The following DCC variants were observed in gnomAD, a reference collection of about 807,000 sequenced individuals.
DCC encodes DCC netrin 1 receptor.
DCC carries 58 observed loss-of-function variants against 172.5 expected under a neutral mutation model. The ratio of observed to expected loss-of-function variants is 0.34; its 90% CI spans 0.27 to 0.42. DCC has a LOEUF of 0.42. Among genes scored for constraint, DCC ranks in the 10% least tolerant of loss-of-function variants. The pLI, the probability that DCC is intolerant of heterozygous loss-of-function variation, is 1.00. For missense variants in DCC, 1,740 were observed against 1,791.0 expected, an observed-to-expected ratio of 0.97 and a Z score of 0.51; for synonymous variants, 709 against 644.5, an observed-to-expected ratio of 1.10 and a Z score of -1.52.
At position 52,906,323 on chromosome 18, in the gene DCC, T is replaced by G; in HGVS notation, c.692T>G (p.Leu231Ter). The change falls in exon 3 of 29, where the codon TTA becomes TGA. Residue 231 changes from leucine to a stop codon, truncating the protein, a stop_gained. Transcript: ENST00000442544. LOFTEE classifies it high-confidence loss of function. ...GGAAATGAAGCAGAAGTCAGAATTTTATCAGGTATTGCAATGCTCTTTGTT... is the reference window on the plus strand; with the variant it reads ...GGAAATGAAGCAGAAGTCAGAATTTGATCAGGTATTGCAATGCTCTTTGTT... ...RTGNEAEVRI[L>*]SDPGLHRQLY... 1 of 1,613,898 alleles carries G rather than the reference T, an allele frequency of 6.2e-7. No homozygotes were observed. Among genetic ancestry groups the G allele is most frequent in the Non-Finnish European group, 8.5e-7 (1 of 1,180,020 alleles).
chr18:52,721,378 A>G (rs139939829), intron 1 of DCC, among the ~76,000 whole-genome samples: 103 of 152,312 alleles, frequency 6.8e-4, no homozygotes, highest in African/African-American at 2.5e-3. Flanking sequence ...TAATGATATT[A>G]TAAACAAACT....
intron 5 of DCC, among the ~76,000 whole-genome samples, chr18:52,963,397 G>C (rs759475791): frequency 2.0e-5 from 3 of 151,998 alleles, no homozygotes; most frequent in Non-Finnish European, 4.4e-5. Context: ...TACCAAGTGA[G>C]CACATATTTC....
At chr18:52,575,082 G>T (rs1017213589) in intron 1 of DCC, among the ~76,000 whole-genome samples, 12 of 152,058 alleles carry the variant, frequency 7.9e-5, no homozygotes, top group African/African-American at 2.4e-4. Flanking sequence ...CATGACATCT[G>T]GAATTTAGCA....
intron 5 of DCC, among the ~76,000 whole-genome samples, chr18:53,007,032 T>C (rs970540066): frequency 2.0e-5 from 3 of 152,146 alleles, no homozygotes; most frequent in Non-Finnish European, 4.4e-5. Context: ...ACCAAATCTG[T>C]AAGAATGCCA....
At chr18:53,157,650 C>G (rs2054765138) in intron 8 of DCC, 138 bp downstream of exon 8, 1 of 847,034 alleles carries the variant, frequency 1.2e-6, no homozygotes, top group African/African-American at 1.7e-5. Context: ...CACTCATTCC[C>G]CAGTGGAGAT....
chr18:52,770,811 A>G (rs997495251), intron 2 of DCC, among the ~76,000 whole-genome samples: 2 of 152,230 alleles, frequency 1.3e-5, no homozygotes, highest in African/African-American at 4.8e-5. Context: ...TAGAAAAGAT[A>G]AAAGTCTGCA....
intron 3 of DCC, among the ~76,000 whole-genome samples, chr18:52,909,073 T>C (rs1032606341): frequency 6.6e-6 from 1 of 152,064 alleles, no homozygotes; most frequent in Non-Finnish European, 1.5e-5. Context: ...AAGTACAAGA[T>C]TGAGTGAGTG....
At chr18:52,591,775 C>A (rs980070133) in intron 1 of DCC, among the ~76,000 whole-genome samples, 7 of 144,428 alleles carry the variant, frequency 4.8e-5, no homozygotes, top group African/African-American at 7.6e-5. Context: ...GTTTTTCTTT[C>A]TTTATTTATT....
Position 52,522,456 on chromosome 18 carries a change from C to T in DCC, c.91+181578C>T, listed in dbSNP as rs144789427. 2.6e-5 allele frequency among the ~76,000 whole-genome samples: 4 copies of T among 152,208 alleles called. No homozygotes were observed. The East Asian group carries it at 5.8e-4, about 22-fold the overall frequency. On this transcript the variant is annotated intron_variant, in intron 1 of 28. Coordinates refer to ENST00000442544, the MANE Select transcript of DCC (RefSeq NM_005215.4). ...TGATCCAGAACTAACAACACTCTCC[C>T]GAAAATCTCTCCTTTTTTCTTTCTC...
chr18:52,923,680 A>G (rs1488807585), intron 3 of DCC, 27 bp from the exon 4 acceptor site: 2 of 1,546,650 alleles, frequency 1.3e-6, no homozygotes, highest in African/African-American at 1.4e-5. Context: ...TTCATATATC[A>G]TATGATACTG....
At chr18:52,731,264 G>A (rs2036636733) in intron 1 of DCC, among the ~76,000 whole-genome samples, 2 of 152,246 alleles carry the variant, frequency 1.3e-5, no homozygotes, top group East Asian at 1.9e-4. Context: ...TTGATTGGGA[G>A]GTGAGAGAAC....
chr18:52,918,176 C>G (rs564012257), intron 3 of DCC, among the ~76,000 whole-genome samples: 1 of 152,158 alleles, frequency 6.6e-6, no homozygotes, highest in South Asian at 2.1e-4. Context: ...TAGAACATTA[C>G]AAATTTGCAT....
intron 27 of DCC, among the ~76,000 whole-genome samples, chr18:53,517,313 C>T (rs1369214141): frequency 1.3e-3 from 197 of 146,610 alleles, no homozygotes; most frequent in South Asian, 2.6e-3. Flanking sequence ...TGGGGGGAGG[C>T]GGGAGGAATA....
At chr18:52,485,171 G>T (rs2030155985) in intron 1 of DCC, among the ~76,000 whole-genome samples, 1 of 152,054 alleles carries the variant, frequency 6.6e-6, no homozygotes, top group Admixed American at 6.6e-5. Context: ...ACTGGACTGT[G>T]TATGGTGCTG....
chr18:53,332,073 G>C (rs1030497998), intron 14 of DCC, among the ~76,000 whole-genome samples: 1 of 152,070 alleles, frequency 6.6e-6, no homozygotes, highest in Non-Finnish European at 1.5e-5. Context: ...GGAGGACATG[G>C]GAGAAGAAAG....
chr18:53,356,508 G>A (rs2057879544), intron 15 of DCC, among the ~76,000 whole-genome samples: 1 of 152,128 alleles, frequency 6.6e-6, no homozygotes, highest in Non-Finnish European at 1.5e-5. Flanking sequence ...TCTATTAGAT[G>A]TTACTAGAGT....
At chr18:53,327,227 G>A (rs1382493217) in intron 14 of DCC, among the ~76,000 whole-genome samples, 1 of 152,190 alleles carries the variant, frequency 6.6e-6, no homozygotes, top group South Asian at 2.1e-4. Context: ...TGTTTGTTCA[G>A]CGTTCCCTGG....
intron 1 of DCC, among the ~76,000 whole-genome samples, chr18:52,406,421 C>T (rs958226450): frequency 6.6e-6 from 1 of 151,974 alleles, no homozygotes; most frequent in Admixed American, 6.6e-5. Context: ...GCAACCTACT[C>T]ATCTGACAAA....
At chr18:53,428,560 A>ATG (rs1363980336) in intron 21 of DCC, among the ~76,000 whole-genome samples, 2 of 37,572 alleles carry the variant, frequency 5.3e-5, no homozygotes, top group African/African-American at 1.4e-4. Flanking sequence ...ATATATTTAT[A>ATG]TATATATTTA....
Sources: gnomAD v4.1 joint callset for allele counts (sites outside exome capture counted in the v4.1 genomes callset) on GRCh38, gnomAD v4.1.1 for gene constraint, MANE v1.5 for transcripts, NCBI Gene and HGNC (gene_info 2026-07-23, HGNC 2026-07-21) for gene names.